Variants in CNTNAP2 observed in about 807,000 individuals in gnomAD.
The protein encoded by CNTNAP2 is contactin associated protein 2.
Under a neutral mutation model 155.2 loss-of-function variants are expected in CNTNAP2, and 98 were observed. That is an observed-to-expected ratio of 0.63 (90% CI 0.54 to 0.75). The LOEUF (loss-of-function observed/expected upper bound fraction) is 0.75. CNTNAP2 is among the 30% of genes least tolerant of loss of function. The pLI is 0.00. For synonymous variants in CNTNAP2, 651 were observed against 631.2 expected, an observed-to-expected ratio of 1.03 and a Z score of -0.47; for missense variants, 1,727 against 1,688.1, an observed-to-expected ratio of 1.02 and a Z score of -0.40.
chr7:147,530,108 A>T (rs73461158), intron 11 of CNTNAP2, among the ~76,000 whole-genome samples: 5,670 of 152,276 alleles, frequency 0.037, 150 homozygotes, highest in African/African-American at 0.055. Context: ...TGAGACTGCT[A>T]AGAAAAAGAA....
At chr7:146,782,466 CCTAA>C (rs1192239242) in intron 2 of CNTNAP2, among the ~76,000 whole-genome samples, 1 of 152,106 alleles carries the variant, frequency 6.6e-6, no homozygotes, top group East Asian at 1.9e-4. Flanking sequence ...TGTCTTCATG[CCTAA>C]CTAAGTTCCA....
In CNTNAP2 at chr7:148,331,164, C is replaced by CGGATGGAGTGGATGGATGGAATGGAT. The variant is rs1563045326; in HGVS notation, c.3476-52478_3476-52477insGTGGATGGATGGAATGGATGGATGGA. ...GGATGGAGTGGACAGATGGAATGGA[C>CGGATGGAGTGGATGGATGGAATGGAT]GGATGGAATGGATGGATGGAATGGA... is the stretch of plus-strand genomic sequence containing the variant. On this transcript the variant is annotated intron_variant, in intron 21 of 23. Coordinates refer to ENST00000361727, the MANE Select transcript of CNTNAP2 (RefSeq NM_014141.6). Among the ~76,000 whole-genome samples the CGGATGGAGTGGATGGATGGAATGGAT allele has an allele frequency of 4.4e-4, 53 of 119,686 alleles. 7 individuals carry two copies. The highest frequency in any genetic ancestry group is 1.7e-3 in the African/African-American group (51 of 29,458). 78.5% of individuals were successfully genotyped at this position (119,686 alleles called of 152,430 possible). A position where few individuals can be genotyped will look rare whatever the true frequency, so the allele number is the denominator to read the frequency against.
chr7:146,979,670 G>A (rs1471477547), intron 3 of CNTNAP2, among the ~76,000 whole-genome samples: 6 of 152,142 alleles, frequency 3.9e-5, no homozygotes, highest in Admixed American at 3.3e-4. Context: ...CCAAAAAAAT[G>A]TTTGTTGAAG....
At chr7:147,737,394 A>G (rs935623026) in intron 13 of CNTNAP2, among the ~76,000 whole-genome samples, 3 of 152,108 alleles carry the variant, frequency 2.0e-5, no homozygotes, top group African/African-American at 7.2e-5. Context: ...GTTTCATCTC[A>G]GAGGGGTACC....
intron 1 of CNTNAP2, among the ~76,000 whole-genome samples, chr7:146,719,167 C>T (rs1801242184): frequency 6.6e-6 from 1 of 152,264 alleles, no homozygotes; most frequent in South Asian, 2.1e-4. Flanking sequence ...AATTCTTGCA[C>T]CTGATTTGGA....
chr7:147,629,474 A>G (rs1795046286), intron 12 of CNTNAP2, among the ~76,000 whole-genome samples: 1 of 150,892 alleles, frequency 6.6e-6, no homozygotes, highest in Non-Finnish European at 1.5e-5. Context: ...TCTAGAACAA[A>G]TGGATTTAAC....
At chr7:147,306,182 T>C (rs1166740820) in intron 9 of CNTNAP2, among the ~76,000 whole-genome samples, 1 of 152,178 alleles carries the variant, frequency 6.6e-6, no homozygotes, top group East Asian at 1.9e-4. Context: ...AAGGTATAAA[T>C]GCTTTATTTT....
At chr7:147,689,054 A>G (rs1796053241) in intron 13 of CNTNAP2, among the ~76,000 whole-genome samples, 1 of 152,176 alleles carries the variant, frequency 6.6e-6, no homozygotes, top group Non-Finnish European at 1.5e-5. Flanking sequence ...CCTTGGGGAA[A>G]AACCAGTCCT....
intron 9 of CNTNAP2, among the ~76,000 whole-genome samples, chr7:147,355,922 C>T (rs1481819624): frequency 6.6e-6 from 1 of 152,086 alleles, no homozygotes; most frequent in Non-Finnish European, 1.5e-5. Flanking sequence ...AGACTCCTCC[C>T]TAACTCATTT....
At chr7:146,984,165 C>T (rs1029734042) in intron 3 of CNTNAP2, among the ~76,000 whole-genome samples, 8 of 151,804 alleles carry the variant, frequency 5.3e-5, no homozygotes, top group Admixed American at 1.3e-4. Context: ...GTCGGGAGTT[C>T]GAGACCAGCC....
At chr7:146,464,187 G>GTTTTTTTTTTGTTTTT (rs1796681721) in intron 1 of CNTNAP2, among the ~76,000 whole-genome samples, 1 of 91,544 alleles carries the variant, frequency 1.1e-5, no homozygotes, top group African/African-American at 3.7e-5. Context: ...CTTTGAAACT[G>GTTTTTTTTTTGTTTTT]TTTTTTTTTT....
chr7:146,908,433 G>C (rs1252565407), intron 3 of CNTNAP2, among the ~76,000 whole-genome samples: 186 of 144,646 alleles, frequency 1.3e-3, no homozygotes, highest in African/African-American at 4.3e-3. Context: ...TAAAAGAACA[G>C]AAATTATAAC....
chr7:147,170,911 C>G (rs1584769783), intron 8 of CNTNAP2, among the ~76,000 whole-genome samples: 1 of 152,202 alleles, frequency 6.6e-6, no homozygotes, highest in Non-Finnish European at 1.5e-5. Flanking sequence ...GCCCTGCTTT[C>G]TCCCAGTCCA....
At chr7:146,504,056 G>A (rs1089454) in intron 1 of CNTNAP2, among the ~76,000 whole-genome samples, 4,640 of 152,294 alleles carry the variant, frequency 0.03, 237 homozygotes, top group African/African-American at 0.11. Context: ...CATAGTGCGC[G>A]GAATTGTGCG....
chr7:146,937,364 A>AAAAT (rs1554412072), intron 3 of CNTNAP2, among the ~76,000 whole-genome samples: 55 of 147,384 alleles, frequency 3.7e-4, no homozygotes, highest in Middle Eastern at 3.5e-3. Flanking sequence ...AAAAAAAAAT[A>AAAAT]AAAATAAAAT....
At chr7:147,389,076 G>A (rs554315097) in intron 9 of CNTNAP2, among the ~76,000 whole-genome samples, 1 of 152,144 alleles carries the variant, frequency 6.6e-6, no homozygotes, top group Admixed American at 6.6e-5. Flanking sequence ...CTATCTTCCT[G>A]CCTGCTGGGA....
chr7:148,150,525 G>T (rs1032739339), intron 17 of CNTNAP2, among the ~76,000 whole-genome samples: 2 of 151,848 alleles, frequency 1.3e-5, no homozygotes, highest in Admixed American at 1.3e-4. Flanking sequence ...TCCAGCGTGG[G>T]AGATAGAGTG....
chr7:147,330,291 G>A (rs1257609561), intron 9 of CNTNAP2, among the ~76,000 whole-genome samples: 2 of 152,110 alleles, frequency 1.3e-5, no homozygotes, highest in East Asian at 3.9e-4. Context: ...TAGAAACTGT[G>A]TGCAACTACT....
At chr7:146,498,013 A>T (rs1303815544) in intron 1 of CNTNAP2, among the ~76,000 whole-genome samples, 2 of 151,986 alleles carry the variant, frequency 1.3e-5, no homozygotes, top group Non-Finnish European at 2.9e-5. Flanking sequence ...AAAGAAAAAG[A>T]TACATGGAAC....
Sources: gnomAD v4.1 joint callset for allele counts (sites outside exome capture counted in the v4.1 genomes callset) on GRCh38, gnomAD v4.1.1 for gene constraint, MANE v1.5 for transcripts, NCBI Gene and HGNC (gene_info 2026-07-23, HGNC 2026-07-21) for gene names.